CCND3: variants seen among roughly 807,000 people sequenced by gnomAD.
CCND3 encodes the protein G1/S-specific cyclin-D3.
In CCND3, 9 loss-of-function variants were observed where a neutral mutation model predicts 28.7. The observed-to-expected ratio is 0.31, with a 90% CI of 0.19 to 0.55. The LOEUF is 0.55. CCND3 is among the 20% of genes least tolerant of loss of function. CCND3 has a pLI of 0.93. For synonymous variants in CCND3, 164 were observed against 163.9 expected (o/e 1.00, Z 0.00); for missense variants, 315 against 385.8 (o/e 0.82, Z 1.54).
chr6:42,025,505 A>G (rs1051990036), intron 1 of CCND3, among the ~76,000 whole-genome samples: 2 of 152,204 alleles, frequency 1.3e-5, no homozygotes, highest in African/African-American at 4.8e-5. Flanking sequence ...ATCTCCCCTC[A>G]GCTCACAGAA....
chr6:42,021,926 G>A (rs1200205631), intron 1 of CCND3, among the ~76,000 whole-genome samples: 1 of 152,172 alleles, frequency 6.6e-6, no homozygotes, highest in Non-Finnish European at 1.5e-5. Context: ...AATCCAGGTG[G>A]GTGCCCATAA....
intron 1 of CCND3, among the ~76,000 whole-genome samples, chr6:41,987,505 CTCTCTCTCTCTCTGTGTGTGTGTG>C (rs1457663714): frequency 1.3e-4 from 12 of 94,984 alleles, no homozygotes; most frequent in Non-Finnish European, 1.7e-4. Flanking sequence ...CTCTCTCTCT[CTCTCTCTCTCTCTGTGTGTGTGTG>C]TGTGTGTGTG....
At chr6:42,034,344 C>T (rs1043439950) in intron 1 of CCND3, among the ~76,000 whole-genome samples, 3 of 151,466 alleles carry the variant, frequency 2.0e-5, no homozygotes, top group Admixed American at 6.6e-5. Context: ...GACAGGGTTT[C>T]GCCATGTTGG....
At chr6:42,034,701 A>G (rs1764153631) in intron 1 of CCND3, among the ~76,000 whole-genome samples, 1 of 145,626 alleles carries the variant, frequency 6.9e-6, no homozygotes, top group South Asian at 2.2e-4. Flanking sequence ...GATGGTCTCA[A>G]TCTCCTGACC....
intron 1 of CCND3, among the ~76,000 whole-genome samples, chr6:41,955,903 G>A (rs371052480): frequency 5.3e-5 from 8 of 152,154 alleles, no homozygotes; most frequent in Non-Finnish European, 1.0e-4. Flanking sequence ...AGTGAGGTGT[G>A]ATTGCACCTG....
At chr6:41,980,008 A>AGCACACACACAC in intron 1 of CCND3, among the ~76,000 whole-genome samples, 1 of 138,514 alleles carries the variant, frequency 7.2e-6, no homozygotes, top group South Asian at 2.4e-4. Flanking sequence ...CTGCTTTCAA[A>AGCACACACACAC]ATCACACACA....
At chr6:41,946,353 T>G (rs375429985), upstream of CCND3, among the ~76,000 whole-genome samples, 1 of 151,474 alleles carries the variant, frequency 6.6e-6, no homozygotes, top group African/African-American at 2.4e-5. Context: ...TCCTAGCACG[T>G]TGGGAGGCAG....
At chr6:42,026,448 G>A (rs1395910089) in intron 1 of CCND3, among the ~76,000 whole-genome samples, 2 of 152,124 alleles carry the variant, frequency 1.3e-5, no homozygotes, top group Non-Finnish European at 2.9e-5. Context: ...AGTCCAGCGT[G>A]AGGGCATTAG....
chr6:42,005,414 C>T (rs1395473656), intron 1 of CCND3, among the ~76,000 whole-genome samples: 2 of 151,552 alleles, frequency 1.3e-5, no homozygotes, highest in Non-Finnish European at 2.9e-5. Context: ...TGGTGGTGCA[C>T]GCCTGTAGTC....
At chr6:42,024,560 T>C (rs917701684) in intron 1 of CCND3, among the ~76,000 whole-genome samples, 33 of 152,174 alleles carry the variant, frequency 2.2e-4, no homozygotes, top group African/African-American at 8.0e-4. Flanking sequence ...TCCTTAGCCA[T>C]GCCACTGGCA....
intron 1 of CCND3, among the ~76,000 whole-genome samples, chr6:42,001,561 G>A (rs1050485948): frequency 2.0e-5 from 3 of 152,134 alleles, no homozygotes; most frequent in African/African-American, 7.2e-5. Context: ...AAACTCTGGT[G>A]ATAAAAAAGA....
chr6:41,979,631 CTCTCTCTCTCTCTA>C (rs1762281877), intron 1 of CCND3, among the ~76,000 whole-genome samples: 1 of 32,364 alleles, frequency 3.1e-5, no homozygotes, highest in Non-Finnish European at 6.6e-5. Context: ...GTCTCTCTCT[CTCTCTCTCTCTCTA>C]TATATATATA....
chr6:42,041,833 T>C (rs1364202576), intron 1 of CCND3, among the ~76,000 whole-genome samples: 1 of 152,210 alleles, frequency 6.6e-6, no homozygotes, highest in Non-Finnish European at 1.5e-5. Context: ...CTGCGCCTCA[T>C]GCTCCTGCCC....
rs143459983 is a variant in CCND3, at chr6:41,996,603, T to C, written c.-46+51898A>G. On this transcript the variant is annotated intron_variant, in intron 1 of 4. Coordinates refer to the CCND3 transcript ENST00000372988. ...GTCTCTTCTACCATTTATCATAGTT[T>C]ATAGTGTATTTATTACCGGTGTAGT... is the stretch of plus-strand genomic sequence containing the variant. Among the ~76,000 whole-genome samples the C allele has an allele frequency of 1.8e-3, 270 of 152,204 alleles. 1 individual carries two copies. The highest frequency in any genetic ancestry group is 6.1e-3 in the African/African-American group (252 of 41,536).
intron 1 of CCND3, among the ~76,000 whole-genome samples, chr6:42,044,956 CG>C (rs376870907): frequency 0.62 from 76,192 of 123,588 alleles, 25,153 homozygotes; most frequent in East Asian, 0.72. Flanking sequence ...GCCCGGCTAA[CG>C]TTTTTTTTTT....
upstream of CCND3, among the ~76,000 whole-genome samples, chr6:42,049,164 T>A (rs190848485): frequency 6.6e-6 from 1 of 152,058 alleles, no homozygotes; most frequent in Non-Finnish European, 1.5e-5. Flanking sequence ...GCCTCCCGAG[T>A]AGCTAGGACT....
intron 1 of CCND3, among the ~76,000 whole-genome samples, chr6:42,000,234 C>CTTTTTTT (rs70987562): frequency 0.022 from 1,115 of 51,022 alleles, 428 homozygotes; most frequent in African/African-American, 0.058. Context: ...TGAAAACATA[C>CTTTTTTT]TTTTTTTTTT....
At chr6:42,035,431 G>A (rs185147096) in intron 1 of CCND3, among the ~76,000 whole-genome samples, 57 of 151,704 alleles carry the variant, frequency 3.8e-4, no homozygotes, top group South Asian at 1.3e-3. Context: ...GCAGTGGCTC[G>A]ATCTCGGCTC....
intron 1 of CCND3, among the ~76,000 whole-genome samples, chr6:41,966,898 A>ATT (rs2127406549): frequency 6.6e-6 from 1 of 152,328 alleles, no homozygotes. Context: ...GGGTGAGACT[A>ATT]GAACAAATGG....
Sources: allele counts gnomAD v4.1 joint callset (sites outside exome capture counted in the v4.1 genomes callset), GRCh38; gene constraint gnomAD v4.1.1; transcripts MANE v1.5; gene names NCBI Gene and HGNC (gene_info 2026-07-23, HGNC 2026-07-21).